PDE4B: variants seen among roughly 807,000 people sequenced by gnomAD.
PDE4B encodes the protein phosphodiesterase 4B.
Under a neutral mutation model 82.2 loss-of-function variants are expected in PDE4B, and 20 were observed. The ratio of observed to expected loss-of-function variants is 0.24; its 90% confidence interval spans 0.17 to 0.35. The LOEUF is 0.35. Among genes scored for constraint, PDE4B ranks in the 10% least tolerant of loss-of-function variants. PDE4B has a pLI of 1.00. For missense variants in PDE4B, 655 were observed against 907.2 expected, an observed-to-expected ratio of 0.72 and a Z score of 3.57; for synonymous variants, 320 against 318.9, an observed-to-expected ratio of 1.00 and a Z score of -0.04.
chr1:66,025,799 T>C (rs1003599934), intron 3 of PDE4B, among the ~76,000 whole-genome samples: 2 of 152,212 alleles, frequency 1.3e-5, no homozygotes, highest in East Asian at 3.8e-4. Context: ...TCCCATGTAC[T>C]TAGGTACAGT....
chr1:65,914,169 G>T (rs1156528413), intron 2 of PDE4B, among the ~76,000 whole-genome samples: 1 of 152,140 alleles, frequency 6.6e-6, no homozygotes, highest in Non-Finnish European at 1.5e-5. Context: ...AATTTTCCTT[G>T]TTTTCTGTAA....
intron 7 of PDE4B, among the ~76,000 whole-genome samples, chr1:66,319,800 T>TA (rs1425045261): frequency 6.6e-6 from 1 of 152,224 alleles, no homozygotes; most frequent in Non-Finnish European, 1.5e-5. Flanking sequence ...TGCAAAGAAT[T>TA]AGACAACTAT....
chr1:66,088,766 C>A (rs1169617423), intron 3 of PDE4B, among the ~76,000 whole-genome samples: 1 of 152,092 alleles, frequency 6.6e-6, no homozygotes, highest in African/African-American at 2.4e-5. Context: ...TTATATCCCT[C>A]CTCTTCCCCC....
chr1:66,131,330 T>C (rs1180863213), intron 3 of PDE4B, among the ~76,000 whole-genome samples: 4 of 151,884 alleles, frequency 2.6e-5, no homozygotes. Context: ...AGCAGCTACT[T>C]ATTTGACCTT....
At chr1:66,091,203 T>C (rs1645016993) in intron 3 of PDE4B, among the ~76,000 whole-genome samples, 1 of 152,052 alleles carries the variant, frequency 6.6e-6, no homozygotes, top group South Asian at 2.1e-4. Flanking sequence ...TTCGTAATTT[T>C]ATTTTCCTAG....
chr1:66,339,955 A>G (rs1330539534), intron 8 of PDE4B, among the ~76,000 whole-genome samples: 2 of 151,906 alleles, frequency 1.3e-5, no homozygotes, highest in African/African-American at 4.8e-5. Context: ...CATTTGCAGT[A>G]TTCTTCCAAA....
chr1:65,921,158 C>A (rs190644933), intron 3 of PDE4B, among the ~76,000 whole-genome samples: 5 of 150,932 alleles, frequency 3.3e-5, no homozygotes, highest in Admixed American at 3.3e-4. Context: ...TTAGTAGAGA[C>A]GGGGTTTCAC....
At chr1:66,042,632 C>G (rs991768107) in intron 3 of PDE4B, 1 of 151,752 alleles carries the variant, frequency 6.6e-6, no homozygotes, top group East Asian at 1.9e-4. Context: ...CATAATTTCT[C>G]TTTTAAGGAT....
At chr1:65,819,249 A>G (rs755623038) in intron 1 of PDE4B, among the ~76,000 whole-genome samples, 2 of 152,184 alleles carry the variant, frequency 1.3e-5, no homozygotes, top group African/African-American at 2.4e-5. Flanking sequence ...TATGGCAGAC[A>G]AAATAATCTA....
chr1:65,832,219 G>A (rs749861310), intron 1 of PDE4B, among the ~76,000 whole-genome samples: 3 of 152,140 alleles, frequency 2.0e-5, no homozygotes, highest in Non-Finnish European at 2.9e-5. Context: ...GGCTTTGGAA[G>A]CATATAGGAA....
intron 3 of PDE4B, among the ~76,000 whole-genome samples, chr1:66,198,229 A>G (rs1226423347): frequency 6.6e-6 from 1 of 152,074 alleles, no homozygotes; most frequent in Non-Finnish European, 1.5e-5. Context: ...CATTTCTTAA[A>G]CCTAATATAA....
intron 3 of PDE4B, among the ~76,000 whole-genome samples, chr1:66,101,802 A>G (rs1645230718): frequency 6.6e-6 from 1 of 152,124 alleles, no homozygotes; most frequent in East Asian, 1.9e-4. Flanking sequence ...CTCTGATGGT[A>G]GTTTCTTTTG....
At chr1:65,934,551 A>G (rs1648017573) in intron 3 of PDE4B, among the ~76,000 whole-genome samples, 1 of 152,258 alleles carries the variant, frequency 6.6e-6, no homozygotes, top group Non-Finnish European at 1.5e-5. Context: ...CTTACTTTAC[A>G]TAGACATGGA....
intron 1 of PDE4B, among the ~76,000 whole-genome samples, chr1:65,846,045 C>CCTGT (rs1001544172): frequency 5.6e-4 from 86 of 152,266 alleles, no homozygotes; most frequent in African/African-American, 1.8e-3. Flanking sequence ...GGTCCCAATC[C>CCTGT]CTGTGTTCAC....
At chr1:66,085,288 G>C (rs758149429) in intron 3 of PDE4B, among the ~76,000 whole-genome samples, 26 of 152,268 alleles carry the variant, frequency 1.7e-4, no homozygotes, top group African/African-American at 6.3e-4. Flanking sequence ...CTACAGGTTT[G>C]AGATATAAGT....
intron 3 of PDE4B, among the ~76,000 whole-genome samples, chr1:66,229,375 C>A (rs1045111683): frequency 2.6e-5 from 4 of 152,200 alleles, no homozygotes; most frequent in African/African-American, 7.2e-5. Context: ...CAGCCTCAGG[C>A]AGAGCAGGAC....
intron 3 of PDE4B, among the ~76,000 whole-genome samples, chr1:66,182,599 G>A (rs1311388538): frequency 1.3e-5 from 2 of 152,128 alleles, no homozygotes; most frequent in African/African-American, 4.8e-5. Flanking sequence ...AGCCAGGAGG[G>A]CTTGATTGAT....
intron 7 of PDE4B, among the ~76,000 whole-genome samples, chr1:66,302,865 A>G (rs755984085): frequency 6.6e-6 from 1 of 152,174 alleles, no homozygotes; most frequent in Non-Finnish European, 1.5e-5. Context: ...CTGGGCTTTC[A>G]TACCTGCTCT....
chr1:65,833,766 C>T (rs556618623), intron 1 of PDE4B, among the ~76,000 whole-genome samples: 2 of 152,270 alleles, frequency 1.3e-5, no homozygotes, highest in East Asian at 3.9e-4. Context: ...TAGCAGTGTA[C>T]TGAACAAATT....
Sources: gnomAD v4.1 joint callset for allele counts (sites outside exome capture counted in the v4.1 genomes callset) on GRCh38, gnomAD v4.1.1 for gene constraint, MANE v1.5 for transcripts, NCBI Gene and HGNC (gene_info 2026-07-23, HGNC 2026-07-21) for gene names.